BRINP2: variants seen among roughly 807,000 people sequenced by gnomAD.
BRINP2 encodes the protein BMP/retinoic acid-inducible neural-specific protein 2.
BRINP2 carries 21 observed loss-of-function variants against 69.2 expected under a neutral mutation model. The ratio of observed to expected loss-of-function variants is 0.30; its 90% CI spans 0.22 to 0.44. BRINP2 has a LOEUF of 0.44. Ranked by LOEUF, BRINP2 falls within the 20% of genes least tolerant of loss-of-function variation. The probability of loss-of-function intolerance (pLI) is 1.00; values close to 1 mark genes in which losing one functional copy is unlikely to be tolerated. For missense variants in BRINP2, 877 were observed against 986.0 expected, an observed-to-expected ratio of 0.89 and a Z score of 1.48; for synonymous variants, 380 against 394.1, an observed-to-expected ratio of 0.96 and a Z score of 0.42.
At chr1:177,269,602 G>T (rs1651239728) in intron 4 of BRINP2, among the ~76,000 whole-genome samples, 1 of 152,170 alleles carries the variant, frequency 6.6e-6, no homozygotes, top group Non-Finnish European at 1.5e-5. Context: ...GATTCAATTT[G>T]CAGCTTTTTA....
chr1:177,266,262 T>C lies in BRINP2; in HGVS notation c.670-7226T>C, dbSNP rs569280744. 3.3e-5 allele frequency among the ~76,000 whole-genome samples: 5 copies of C among 152,326 alleles called. No individual in the cohort carries two copies. In the South Asian group the frequency reaches 1.0e-3, roughly 32 times the overall value. On this transcript the variant is annotated intron_variant, in intron 4 of 7. Transcript: ENST00000361539. The stretch of plus-strand genomic sequence containing the variant: ...CTAGTTTCATTTTTAACAAGTCCTT[T>C]GGTACTTTTCTCAGCCCCCTTACTC...
intron 3 of BRINP2, 77 bp from the exon 4 acceptor site, chr1:177,257,099 C>G (rs1348474834): frequency 2.5e-6 from 4 of 1,595,772 alleles, no homozygotes; most frequent in African/African-American, 1.3e-5. Context: ...CTATCTTGGC[C>G]AAGGGTTTTA....
chr1:177,200,681 CACCCCG>C (rs1308903834), intron 1 of BRINP2, among the ~76,000 whole-genome samples: 1 of 152,138 alleles, frequency 6.6e-6, no homozygotes, highest in Non-Finnish European at 1.5e-5. Context: ...TAAAGCAGCA[CACCCCG>C]TCTCTCCTTG....
In BRINP2 at chr1:177,180,323, G is replaced by T. The variant is rs1310262697; in HGVS notation, c.-77+8591G>T. Reference sequence around the variant, plus strand: ...GGTTCAATGGGGTGGGTGACTTTTGGGTAAGACAAACCTGGGCATCAATCT... The same window carrying T: ...GGTTCAATGGGGTGGGTGACTTTTGTGTAAGACAAACCTGGGCATCAATCT... On this transcript the variant is annotated intron_variant, in intron 1 of 7. Transcript: ENST00000361539. 2.6e-5 allele frequency among the ~76,000 whole-genome samples: 4 copies of T among 152,238 alleles called. 1 individual carries two copies. The South Asian group carries it at 6.2e-4, about 24-fold the overall frequency.
intron 1 of BRINP2, among the ~76,000 whole-genome samples, chr1:177,189,020 G>T (rs1648511584): frequency 6.6e-6 from 1 of 152,138 alleles, no homozygotes; most frequent in Non-Finnish European, 1.5e-5. Flanking sequence ...TAGCTCAAGA[G>T]GGTTCTTGGA....
chr1:177,216,004 C>G (rs1211402831), intron 1 of BRINP2, among the ~76,000 whole-genome samples: 1 of 151,748 alleles, frequency 6.6e-6, no homozygotes, highest in East Asian at 1.9e-4. Flanking sequence ...ATGTGTGTGT[C>G]CTTAAGGAGA....
intron 4 of BRINP2, among the ~76,000 whole-genome samples, chr1:177,272,391 G>C (rs112100950): frequency 2.6e-4 from 40 of 152,346 alleles, no homozygotes; most frequent in African/African-American, 7.7e-4. Context: ...AGCCTGGAAT[G>C]TATTATACAT....
intron 2 of BRINP2, among the ~76,000 whole-genome samples, chr1:177,248,444 TGTGTGTGTGTGCGTGC>T (rs1407357493): frequency 3.3e-5 from 5 of 151,166 alleles, no homozygotes; most frequent in Non-Finnish European, 7.4e-5. Context: ...TTTGTGTGTG[TGTGTGTGTGTGCGTGC>T]GTGTGTGTGT....
chr1:177,225,646 T>C (rs551715491), intron 1 of BRINP2, among the ~76,000 whole-genome samples: 2 of 152,338 alleles, frequency 1.3e-5, no homozygotes, highest in African/African-American at 4.8e-5. Context: ...TGATATTATT[T>C]GTGGAGCATA....
At chr1:177,209,317 C>T (rs1649157915) in intron 1 of BRINP2, among the ~76,000 whole-genome samples, 1 of 152,158 alleles carries the variant, frequency 6.6e-6, no homozygotes, top group African/African-American at 2.4e-5. Flanking sequence ...TCCCTAGGCC[C>T]TCCACACCAG....
In BRINP2 at chr1:177,257,183, G is replaced by C; in HGVS notation, c.468G>C (p.Glu156Asp). The C allele has an allele frequency of 3.1e-6, 5 of 1,614,076 alleles. No individual in the cohort carries two copies. The highest frequency in any genetic ancestry group is 1.7e-4 in the Middle Eastern group (1 of 6,058). The part of the protein sequence containing the change: ...FLLSATLGGE[E>D]SLTIFVDKQK... The stretch of plus-strand genomic sequence containing the variant: ...TCGTGTTGTTCACCATAGGAGAAGA[G>C]TCCCTGACCATTTTTGTGGACAAGC... The change falls in exon 4 of 8, where the codon GAG becomes GAC. Residue 156 changes from glutamate (E) to aspartate (D), a missense_variant. By Grantham distance (45) the Glu-to-Asp change is conservative. Around this residue, in one of 3 missense-constraint regions of BRINP2, gnomAD observed 566 missense variants for 625.2 expected, o/e 0.91. Coordinates refer to ENST00000361539, the MANE Select transcript of BRINP2 (RefSeq NM_021165.4).
At chr1:177,229,030 G>A (rs1456024584) in intron 1 of BRINP2, among the ~76,000 whole-genome samples, 2 of 152,148 alleles carry the variant, frequency 1.3e-5, no homozygotes, top group South Asian at 2.1e-4. Context: ...CCTGCCCCTC[G>A]TGGTGCTCTC....
In BRINP2 at chr1:177,278,684, C is replaced by T; in HGVS notation, c.1134C>T (p.Gly378=). 3 of 1,614,234 alleles carry T rather than the reference C, an allele frequency of 1.9e-6. No individual in the cohort carries two copies. Among genetic ancestry groups the T allele is most frequent in the Non-Finnish European group, 1.7e-6 (2 of 1,180,050 alleles). Residue 378 remains glycine, a synonymous_variant, in exon 7 of 8, where the codon GGC becomes GGT. Transcript: ENST00000361539. ...ACCGCTACCAGCAGCTGGGAGCTGG[C>T]TTGAAAGTGCTGTTCAAAAAGACCC... ...LQHRYQQLGA[G]LKVLFKKTHR...
chr1:177,192,298 A>G (rs1392447994), intron 1 of BRINP2, among the ~76,000 whole-genome samples: 1 of 151,930 alleles, frequency 6.6e-6, no homozygotes, highest in Admixed American at 6.6e-5. Flanking sequence ...GAGACAAGAG[A>G]CCCGGGTTTT....
chr1:177,281,245 T>C lies in BRINP2; in HGVS notation c.2069T>C (p.Leu690Pro). The C allele has an allele frequency of 6.2e-7, 1 of 1,614,210 alleles. No homozygotes were observed. The highest frequency in any genetic ancestry group is 1.1e-5 in the South Asian group (1 of 91,080). ...INTLQVFGYSLPFDPDAIRDL... is the reference protein window; with the variant it reads ...INTLQVFGYSPPFDPDAIRDL... ...ACCTTGCAGGTCTTTGGCTACAGCC[T>C]GCCCTTTGACCCAGATGCTATCCGG... is the stretch of plus-strand genomic sequence containing the variant. The change falls in exon 8 of 8, where the codon CTG becomes CCG. Residue 690 changes from leucine to proline, a missense_variant. By Grantham distance (98) the Leu-to-Pro change is moderately conservative. This residue lies in a region of BRINP2 where 225 missense variants were observed against 218.7 expected (regional missense o/e 1.03). Coordinates refer to ENST00000361539, the MANE Select transcript of BRINP2 (RefSeq NM_021165.4).
chr1:177,204,688 C>A (rs367697509), intron 1 of BRINP2, among the ~76,000 whole-genome samples: 122 of 152,230 alleles, frequency 8.0e-4, no homozygotes, highest in African/African-American at 2.7e-3. Flanking sequence ...CTTTTCTTGT[C>A]TCATTACAAA....
chr1:177,281,229 G>A lies in BRINP2; in HGVS notation c.2053G>A (p.Val685Ile). 6.2e-7 allele frequency: 1 copy of A among 1,614,196 alleles called. No individual in the cohort carries two copies. Among genetic ancestry groups the A allele is most frequent in the Non-Finnish European group, 8.5e-7 (1 of 1,180,038 alleles). ...LGYMKINTLQVFGYSLPFDPD... is the reference protein window; with the variant it reads ...LGYMKINTLQIFGYSLPFDPD... ...TTACATGAAAATTAACACCTTGCAGGTCTTTGGCTACAGCCTGCCCTTTGA... is the reference window on the plus strand; with the variant it reads ...TTACATGAAAATTAACACCTTGCAGATCTTTGGCTACAGCCTGCCCTTTGA... The change falls in exon 8 of 8, where the codon GTC becomes ATC. Residue 685 changes from valine to isoleucine, a missense_variant. Physicochemically the swap from Val to Ile is conservative, Grantham distance 29 (BLOSUM62 3). Transcript: ENST00000361539.
intron 1 of BRINP2, among the ~76,000 whole-genome samples, chr1:177,189,136 G>T (rs1052961372): frequency 5.9e-5 from 9 of 152,000 alleles, no homozygotes; most frequent in Admixed American, 5.2e-4. Context: ...AATGCAATTA[G>T]GACTTATGAT....
At chr1:177,264,229 CT>C (rs924950852) in intron 4 of BRINP2, among the ~76,000 whole-genome samples, 1 of 152,184 alleles carries the variant, frequency 6.6e-6, no homozygotes, top group African/African-American at 2.4e-5. Context: ...ACTTTCCTCA[CT>C]CTTTAATGGC....
Sources: allele counts gnomAD v4.1 joint callset (sites outside exome capture counted in the v4.1 genomes callset), GRCh38; gene constraint gnomAD v4.1.1; regional missense constraint gnomAD v4.1.1; transcripts MANE v1.5; gene names NCBI Gene and HGNC (gene_info 2026-07-23, HGNC 2026-07-21).